Variants in YTHDF1 observed in about 807,000 individuals in gnomAD.
YTHDF1 encodes the protein YTH domain-containing family protein 1.
YTHDF1 carries 16 observed loss-of-function variants against 49.1 expected under a neutral mutation model. The ratio of observed to expected loss-of-function variants is 0.33; its 90% CI spans 0.22 to 0.49. The LOEUF (loss-of-function observed/expected upper bound fraction) is 0.49. YTHDF1 is among the 20% of genes least tolerant of loss of function. The pLI, the probability that YTHDF1 is intolerant of heterozygous loss-of-function variation, is 0.99. For missense variants in YTHDF1, 621 were observed against 744.3 expected, an observed-to-expected ratio of 0.83 and a Z score of 1.93; for synonymous variants, 313 against 290.1, an observed-to-expected ratio of 1.08 and a Z score of -0.80.
intron 3 of YTHDF1, among the ~76,000 whole-genome samples, chr20:63,204,988 G>A (rs779999455): frequency 1.4e-4 from 21 of 152,088 alleles, no homozygotes; most frequent in Non-Finnish European, 2.9e-4. Context: ...CGCATCGTCT[G>A]AGAGTGCCAA....
At chr20:63,199,113 G>T (rs953107424) in intron 4 of YTHDF1, among the ~76,000 whole-genome samples, 2 of 152,208 alleles carry the variant, frequency 1.3e-5, no homozygotes, top group Non-Finnish European at 2.9e-5. Flanking sequence ...AAATGATAAA[G>T]AAAAGGTGGG....
intron 3 of YTHDF1, among the ~76,000 whole-genome samples, chr20:63,209,157 G>A (rs1444952451): frequency 6.6e-6 from 1 of 152,238 alleles, no homozygotes; most frequent in African/African-American, 2.4e-5. Flanking sequence ...GAATGGAGCA[G>A]GTAGGCCTGA....
Position 63,203,742 on chromosome 20 carries a change from A to G in YTHDF1, c.198T>C (p.Phe66=). Residue 66 remains phenylalanine (F), a synonymous_variant, in exon 4 of 5, where the codon TTT becomes TTC. Transcript: ENST00000370339. The surrounding 1 kb of genome is among the most constrained non-coding windows in gnomAD (Gnocchi z 4.4). ...ACGGAGCCTCATTGAGGGAGTAAGGAAATCCAATGGACGGCGGGTAATAGC... is the reference window on the plus strand; with the variant it reads ...ACGGAGCCTCATTGAGGGAGTAAGGGAATCCAATGGACGGCGGGTAATAGC... ...LSSYYPPSIG[F]PYSLNEAPWS... The G allele has an allele frequency of 6.2e-7, 1 of 1,614,118 alleles. No homozygotes were observed. The highest frequency in any genetic ancestry group is 8.5e-7 in the Non-Finnish European group (1 of 1,179,984).
In YTHDF1 at chr20:63,203,478, G is replaced by C. The variant is rs151192401; in HGVS notation, c.462C>G (p.Pro154=). The change falls in exon 4 of 5, where the codon CCC becomes CCG. Residue 154 remains proline (P), a synonymous_variant. Transcript: ENST00000370339. The surrounding 1 kb of genome is among the most constrained non-coding windows in gnomAD (Gnocchi z 4.4). ...SSAYGSSYTY[P]PSSLGGTVVD... ...CCACCGTGCCACCCAGGGAGCTCGG[G>C]GGGTAGGTGTAGCTGCTCCCATACG... 2.9e-5 allele frequency: 46 copies of C among 1,613,500 alleles called. 1 individual carries two copies. The Admixed American group carries it at 5.0e-4, about 18-fold the overall frequency.
chr20:63,212,742 G>A (rs1457809259), intron 3 of YTHDF1, among the ~76,000 whole-genome samples: 1 of 152,134 alleles, frequency 6.6e-6, no homozygotes, highest in Non-Finnish European at 1.5e-5. Context: ...TTTTAACCAG[G>A]GCAACTGTAT....
chr20:63,213,924 A>T lies in YTHDF1; in HGVS notation c.72T>A (p.His24Gln), dbSNP rs750077581. 5.9e-5 allele frequency: 92 copies of T among 1,562,370 alleles called. No homozygotes were observed. The highest frequency in any genetic ancestry group is 7.2e-5 in the Non-Finnish European group (84 of 1,164,496). Reference sequence around the variant, plus strand: ...CATTGTCATGAACTGTATCCTTCTGATGTAACGAACCATTTTGTACTAGAA... The same window carrying T: ...CATTGTCATGAACTGTATCCTTCTGTTGTAACGAACCATTTTGTACTAGAA... ...QDNKVQNGSL[H>Q]QKDTVHDNDF... is the part of the protein sequence containing the mutation. Residue 24 changes from histidine to glutamine, a missense_variant, in exon 3 of 5, where the codon CAT becomes CAA. His to Gln is a conservative substitution (Grantham distance 24, BLOSUM62 0). Transcript: ENST00000370339.
chr20:63,203,610 GC>G lies in YTHDF1; in HGVS notation c.329del (p.Gly110AlafsTer71). The G allele has an allele frequency of 6.2e-7, 1 of 1,614,124 alleles. No homozygotes were observed. ...MHDAVFGQPG[G>X]LGNNIYQHRF... ...TGTGCTGATAGATGTTGTTCCCCAG[GC>G]CCCCAGGCTGCCCAAAAACAGCATC... On this transcript the variant is annotated frameshift_variant, in exon 4 of 5. Coordinates refer to ENST00000370339, the MANE Select transcript of YTHDF1 (RefSeq NM_017798.4). LOFTEE classifies it high-confidence loss of function. The surrounding 1 kb of genome is among the most constrained non-coding windows in gnomAD (Gnocchi z 4.4).
intron 4 of YTHDF1, among the ~76,000 whole-genome samples, chr20:63,201,928 G>C (rs540603358): frequency 6.6e-6 from 1 of 152,222 alleles, no homozygotes; most frequent in South Asian, 2.1e-4. Context: ...GGGAAGCACT[G>C]TTCCAGAAAG....
intron 3 of YTHDF1, among the ~76,000 whole-genome samples, chr20:63,207,264 C>G (rs1315929172): frequency 6.6e-6 from 1 of 152,094 alleles, no homozygotes; most frequent in African/African-American, 2.4e-5. Context: ...GTCAGGAGAT[C>G]AAGACCATCC....
At chr20:63,215,777 A>C in intron 1 of YTHDF1, 89 bp downstream of exon 1, 1 of 1,397,044 alleles carries the variant, frequency 7.2e-7, no homozygotes. Flanking sequence ...GGCCTCCGCG[A>C]CCCCGGGCTC....
At chr20:63,201,517 C>T (rs983587893) in intron 4 of YTHDF1, among the ~76,000 whole-genome samples, 2 of 152,200 alleles carry the variant, frequency 1.3e-5, no homozygotes, top group African/African-American at 4.8e-5. Flanking sequence ...GAAGAGCAAA[C>T]ACACTCAATC....
chr20:63,215,878 G>T lies in YTHDF1; in HGVS notation c.15C>A (p.Ser5Arg). ...CCGGCCCCGCTACCTGGGTGTCCAC[G>T]CTGGTGGCCGACATGCTTCATGAAC... MSAT[S>R]VDTQRTKGQD... is the part of the protein sequence containing the mutation. The change falls in exon 1 of 5, where the codon AGC (serine) becomes AGA (arginine). Residue 5 changes from serine (S) to arginine (R), a missense_variant. Around this residue, in one of 2 missense-constraint regions of YTHDF1, gnomAD observed 470 missense variants for 495.8 expected, o/e 0.95. Coordinates refer to ENST00000370339, the MANE Select transcript of YTHDF1 (RefSeq NM_017798.4). The T allele has an allele frequency of 6.9e-7, 1 of 1,449,538 alleles. No individual in the cohort carries two copies. The highest frequency in any genetic ancestry group is 9.1e-7 in the Non-Finnish European group (1 of 1,100,802). The allele number at this position is 1,449,538 out of a possible 1,614,324, so 89.8% of individuals were successfully genotyped here. A position where few individuals can be genotyped will look rare whatever the true frequency, so the allele number is the denominator to read the frequency against.
Position 63,196,612 on chromosome 20 carries a change from C to A in YTHDF1, c.*96G>T. The stretch of plus-strand genomic sequence containing the variant: ...GAAAGGCAAAGATGCAACACTCAAC[C>A]CCCGCACGGGACGACACACTGGAGC... On this transcript the variant is annotated 3_prime_UTR_variant, in exon 5 of 5. Transcript: ENST00000370339. The A allele has an allele frequency of 6.9e-7, 1 of 1,448,200 alleles. No homozygotes were observed. Among genetic ancestry groups the A allele is most frequent in the Non-Finnish European group, 9.6e-7 (1 of 1,046,560 alleles). 89.7% of individuals were successfully genotyped at this position (1,448,200 alleles called of 1,614,324 possible). A position where few individuals can be genotyped will look rare whatever the true frequency, so the allele number is the denominator to read the frequency against.
intron 4 of YTHDF1, among the ~76,000 whole-genome samples, chr20:63,201,659 T>C (rs2066518015): frequency 6.6e-6 from 1 of 152,254 alleles, no homozygotes; most frequent in African/African-American, 2.4e-5. Flanking sequence ...ATAAAATGTC[T>C]GGATTCCAAA....
In YTHDF1 at chr20:63,203,569, G is replaced by C; in HGVS notation, c.371C>G (p.Pro124Arg). Residue 124 changes from proline (P) to arginine (R), a missense_variant, in exon 4 of 5, where the codon CCT (proline) becomes CGT (arginine). Coordinates refer to ENST00000370339, the MANE Select transcript of YTHDF1 (RefSeq NM_017798.4). The surrounding 1 kb of genome is among the most constrained non-coding windows in gnomAD (Gnocchi z 4.4). Reference protein sequence around the residue: ...NIYQHRFNFFPENPAFSAWGT... With the variant: ...NIYQHRFNFFRENPAFSAWGT... The stretch of plus-strand genomic sequence containing the variant: ...CCATGCTGAGAACGCAGGGTTTTCA[G>C]GGAAAAAATTGAACCTGTGCTGATA... The C allele has an allele frequency of 1.2e-6, 2 of 1,614,136 alleles. No individual in the cohort carries two copies. Among genetic ancestry groups the C allele is most frequent in the Non-Finnish European group, 1.7e-6 (2 of 1,180,028 alleles).
chr20:63,199,463 G>A (rs1384814359), intron 4 of YTHDF1, among the ~76,000 whole-genome samples: 1 of 143,660 alleles, frequency 7.0e-6, no homozygotes, highest in African/African-American at 2.6e-5. Context: ...AGCTTGCAGT[G>A]AGCCGAGATC....
chr20:63,196,777 C>T, intron 4 of YTHDF1, 43 bp from the exon 5 acceptor site: 1 of 1,611,310 alleles, frequency 6.2e-7, no homozygotes. Flanking sequence ...AGTAACCACA[C>T]CAATGAATCC....
chr20:63,196,738 TA>T lies in YTHDF1; in HGVS notation c.1654-5del, dbSNP rs1302942211. The T allele has an allele frequency of 1.9e-6, 3 of 1,613,428 alleles. No individual in the cohort carries two copies. The highest frequency in any genetic ancestry group is 2.5e-6 in the Non-Finnish European group (3 of 1,179,922). On this transcript the variant is annotated splice_polypyrimidine_tract_variant and splice_region_variant and intron_variant, in intron 4 of 4. Transcript: ENST00000370339. Reference sequence around the variant, plus strand: ...GTTTGTTTCGACTCTGCCGTTCCTGTAAAAAGAAAAAACAAAAGTTGAACGC... The same window carrying T: ...GTTTGTTTCGACTCTGCCGTTCCTGTAAAAGAAAAAACAAAAGTTGAACGC...
chr20:63,215,470 C>T, intron 2 of YTHDF1, 107 bp downstream of exon 2: 2 of 1,482,412 alleles, frequency 1.3e-6, no homozygotes, highest in Non-Finnish European at 9.3e-7. Context: ...CTCCCTGAAG[C>T]TGGCGGAAGA....
Sources: allele counts gnomAD v4.1 joint callset (sites outside exome capture counted in the v4.1 genomes callset), GRCh38; gene constraint gnomAD v4.1.1; regional missense constraint gnomAD v4.1.1; non-coding constraint Gnocchi (gnomAD v3.1); transcripts MANE v1.5; gene names NCBI Gene and HGNC (gene_info 2026-07-23, HGNC 2026-07-21).